The following BACE1 variants were observed in gnomAD, a reference collection of about 807,000 sequenced individuals.
The protein encoded by BACE1 is APP beta-secretase.
Under a neutral mutation model 54.0 loss-of-function variants are expected in BACE1, and 21 were observed. The observed-to-expected ratio is 0.39, with a 90% CI of 0.28 to 0.56. The LOEUF (loss-of-function observed/expected upper bound fraction) is 0.56, where lower values mean the gene tolerates loss of function less well. BACE1 is among the 20% of genes least tolerant of loss of function. The pLI is 0.63. For missense variants in BACE1, 511 were observed against 661.2 expected, an observed-to-expected ratio of 0.77 and a Z score of 2.49; for synonymous variants, 232 against 260.9, an observed-to-expected ratio of 0.89 and a Z score of 1.07.
In BACE1 at chr11:117,295,226, C is replaced by T; in HGVS notation, c.472G>A (p.Ala158Thr). ...IPHGPNVTVR[A>T]NIAAITESDK... ...GATTCAGTGATGGCAGCAATGTTGG[C>T]ACGCACAGTGACGTTGGGGCCATGG... is the stretch of plus-strand genomic sequence containing the variant. Residue 158 changes from alanine (A) to threonine (T), a missense_variant, in exon 3 of 9, where the codon GCC becomes ACC. Transcript: ENST00000313005. 6.2e-7 allele frequency: 1 copy of T among 1,614,190 alleles called. No individual in the cohort carries two copies. Among genetic ancestry groups the T allele is most frequent in the Non-Finnish European group, 8.5e-7 (1 of 1,180,036 alleles).
In BACE1 at chr11:117,315,027, C is replaced by T. The variant is rs898022916; in HGVS notation, c.261+508G>A. The stretch of plus-strand genomic sequence containing the variant: ...GGGGGCCTCGACAACCTCACTTTGC[C>T]GTACCAGTGGCAGCCCAGATGGTGG... On this transcript the variant is annotated intron_variant, in intron 1 of 8. Coordinates refer to ENST00000313005, the MANE Select transcript of BACE1 (RefSeq NM_012104.6). This position sits in a 1 kb window ranked among gnomAD's most constrained non-coding sequence, Gnocchi z 5.5. 2.6e-5 allele frequency among the ~76,000 whole-genome samples: 4 copies of T among 152,110 alleles called. No individual in the cohort carries two copies. In the South Asian group the frequency reaches 6.2e-4, roughly 24 times the overall value.
chr11:117,302,920 C>G (rs1035049452), intron 1 of BACE1, among the ~76,000 whole-genome samples: 17 of 152,158 alleles, frequency 1.1e-4, no homozygotes, highest in African/African-American at 3.6e-4. Context: ...ACTTGTCACT[C>G]TGTAATTATA....
chr11:117,303,952 G>A (rs1454792803), intron 1 of BACE1, among the ~76,000 whole-genome samples: 1 of 152,194 alleles, frequency 6.6e-6, no homozygotes, highest in African/African-American at 2.4e-5. Flanking sequence ...ACAAGAATCC[G>A]TTGGTTCTGA....
rs78979954 is a variant in BACE1 at position 117,314,620 on chromosome 11, G to C, written c.261+915C>G. 1,442 of 152,622 alleles carry C rather than the reference G, an allele frequency of 9.4e-3. 24 individuals are homozygous for C. The highest frequency in any genetic ancestry group is 0.033 in the African/African-American group (1,382 of 41,550). 9.5% of individuals were successfully genotyped at this position (152,622 alleles called of 1,614,324 possible). On this transcript the variant is annotated intron_variant, in intron 1 of 8. Transcript: ENST00000313005. ...CCACAGGGCTGCCCGGGCCCGGACTGCCCCACAGAGGCGGCAGATGCACAC... is the reference window on the plus strand; with the variant it reads ...CCACAGGGCTGCCCGGGCCCGGACTCCCCCACAGAGGCGGCAGATGCACAC...
At chr11:117,297,016 C>A in intron 1 of BACE1, 55 bp from the exon 2 acceptor site, 1 of 1,326,274 alleles carries the variant, frequency 7.5e-7, no homozygotes, top group Non-Finnish European at 1.1e-6. Context: ...TCGGTCACAC[C>A]ACCTTTATTA....
chr11:117,308,796 C>A (rs1159934073), intron 1 of BACE1, among the ~76,000 whole-genome samples: 3 of 150,982 alleles, frequency 2.0e-5, no homozygotes, highest in Admixed American at 2.0e-4. Flanking sequence ...CTAAAAATAC[C>A]AAAAAAAATA....
At chr11:117,300,538 A>G (rs767448597) in intron 1 of BACE1, among the ~76,000 whole-genome samples, 14 of 152,182 alleles carry the variant, frequency 9.2e-5, no homozygotes, top group Non-Finnish European at 1.8e-4. Context: ...AGGGCAGTTC[A>G]GGGCGGCCTG....
intron 1 of BACE1, among the ~76,000 whole-genome samples, chr11:117,303,080 T>G (rs1230158401): frequency 6.6e-6 from 1 of 152,094 alleles, no homozygotes; most frequent in African/African-American, 2.4e-5. Flanking sequence ...TCTACCCTGT[T>G]TTTTGGGTGG....
rs188063412 is a variant in BACE1, at chr11:117,298,175, G to C, written c.262-1214C>G. Among the ~76,000 whole-genome samples, 194 of 152,082 alleles carry C rather than the reference G, an allele frequency of 1.3e-3. 1 individual carries two copies. Among genetic ancestry groups the C allele is most frequent in the African/African-American group, 4.5e-3 (187 of 41,492 alleles). ...AGATTAGCCGGGTGTGGTGACGCAC[G>C]CCTATAATCCCAGCTACTTGGGAGG... On this transcript the variant is annotated intron_variant, in intron 1 of 8. Transcript: ENST00000313005.
rs940712849 is a variant in BACE1 at position 117,290,495 on chromosome 11, A to G, written c.1257T>C (p.Ala419=). ...CAGCCCTGGCACTCTCACCATGGCA[A>G]GCGCTGACAGCAAAGCCAATTCGTT... The part of the protein sequence containing the change: ...ARKRIGFAVS[A]CHVHDEFRTA... The change falls in exon 8 of 9, where the codon GCT becomes GCC. Residue 419 remains alanine (A), a synonymous_variant. Coordinates refer to ENST00000313005, the MANE Select transcript of BACE1 (RefSeq NM_012104.6). 1.9e-6 allele frequency: 3 copies of G among 1,614,002 alleles called. No individual in the cohort carries two copies.
In BACE1 at chr11:117,292,645, T is replaced by G. The variant is rs112611087; in HGVS notation, c.840+409A>C. Among the ~76,000 whole-genome samples, 611 of 152,254 alleles carry G rather than the reference T, an allele frequency of 4.0e-3. 6 individuals carry two copies. The highest frequency in any genetic ancestry group is 0.014 in the African/African-American group (595 of 41,540). On this transcript the variant is annotated intron_variant, in intron 5 of 8. Coordinates refer to ENST00000313005, the MANE Select transcript of BACE1 (RefSeq NM_012104.6). ...CTGAGAAAGTTGTTTTTACCTGTTT[T>G]GCAGATAAGGAAACTGAGACACAGA...
chr11:117,315,768 G>A lies in BACE1; in HGVS notation c.28C>T (p.Leu10=). MAQALPWLL[L]WMGAGVLPAH... is the part of the protein sequence containing the mutation. ...GGCAGCACTCCCGCGCCCATCCACA[G>A]CAGGAGCCAGGGCAGGGCTTGGGCC... Residue 10 remains leucine (L), a synonymous_variant, in exon 1 of 9, where the codon CTG becomes TTG. Transcript: ENST00000313005. The surrounding 1 kb of genome is among the most constrained non-coding windows in gnomAD (Gnocchi z 5.5). 4.8e-6 allele frequency: 7 copies of A among 1,457,208 alleles called. No individual in the cohort carries two copies. Among genetic ancestry groups the A allele is most frequent in the Non-Finnish European group, 6.3e-6 (7 of 1,111,000 alleles). The allele number at this position is 1,457,208 out of a possible 1,614,324, so 90.3% of individuals were successfully genotyped here. A position where few individuals can be genotyped will look rare whatever the true frequency, so the allele number is the denominator to read the frequency against.
At chr11:117,305,909 G>T (rs1181968073) in intron 1 of BACE1, among the ~76,000 whole-genome samples, 1 of 152,046 alleles carries the variant, frequency 6.6e-6, no homozygotes, top group African/African-American at 2.4e-5. Context: ...GATGGCAGGC[G>T]CCTGTAGTCC....
Position 117,293,398 on chromosome 11 carries a change from A to G in BACE1, c.706-210T>C, listed in dbSNP as rs1022453643. ...GAGAAAAGACTTTCCGGGATTTTTA[A>G]TTATTTGTTTCAGAATCATACAGCC... On this transcript the variant is annotated intron_variant, in intron 4 of 8. Transcript: ENST00000313005. The surrounding 1 kb of genome is among the most constrained non-coding windows in gnomAD (Gnocchi z 4.1). The G allele has an allele frequency of 1.1e-5, 5 of 464,050 alleles. No homozygotes were observed. Among genetic ancestry groups the G allele is most frequent in the Non-Finnish European group, 1.8e-5 (5 of 270,780 alleles). 28.7% of individuals were successfully genotyped at this position (464,050 alleles called of 1,614,324 possible).
chr11:117,296,966 C>G lies in BACE1; in HGVS notation c.262-5G>C. On this transcript the variant is annotated splice_region_variant and splice_polypyrimidine_tract_variant and intron_variant, in intron 1 of 8. Transcript: ENST00000313005. ...TGTATCCACCAGGATGTTGAGCTGTCAGAGAAAGGGGAGAGAAAAGACAGT... is the reference window on the plus strand; with the variant it reads ...TGTATCCACCAGGATGTTGAGCTGTGAGAGAAAGGGGAGAGAAAAGACAGT... 1 of 1,612,270 alleles carries G rather than the reference C, an allele frequency of 6.2e-7. No homozygotes were observed. Among genetic ancestry groups the G allele is most frequent in the African/African-American group, 1.3e-5 (1 of 74,962 alleles).
chr11:117,295,598 C>G, intron 2 of BACE1: 1 of 1,535,554 alleles, frequency 6.5e-7, no homozygotes, highest in Non-Finnish European at 8.7e-7. Flanking sequence ...ATCTTGAGCT[C>G]AGGCCCTGTG....
At chr11:117,309,977 C>T (rs893961333) in intron 1 of BACE1, among the ~76,000 whole-genome samples, 1 of 150,538 alleles carries the variant, frequency 6.6e-6, no homozygotes, top group African/African-American at 2.5e-5. Flanking sequence ...GGCGCAATCT[C>T]GGCTCACTGC....
Position 117,289,395 on chromosome 11 carries a change from G to T in BACE1, c.*171C>A. ...CTGTTTCCTACAGGTACAGTCCCTG[G>T]AACCCACCTTGCCAGCCTTTTCCTT... On this transcript the variant is annotated 3_prime_UTR_variant, in exon 9 of 9. Transcript: ENST00000313005. 1 of 1,144,186 alleles carries T rather than the reference G, an allele frequency of 8.7e-7. No individual in the cohort carries two copies. Among genetic ancestry groups the T allele is most frequent in the Non-Finnish European group, 1.2e-6 (1 of 832,694 alleles). 70.9% of individuals were successfully genotyped at this position (1,144,186 alleles called of 1,614,324 possible).
chr11:117,297,085 G>A, intron 1 of BACE1, 124 bp from the exon 2 acceptor site: 1 of 742,812 alleles, frequency 1.3e-6, no homozygotes, highest in Non-Finnish European at 2.3e-6. Flanking sequence ...GCTCCACGAT[G>A]CAGGACTGGT....
Sources: gnomAD v4.1 joint callset for allele counts (sites outside exome capture counted in the v4.1 genomes callset) on GRCh38, gnomAD v4.1.1 for gene constraint, Gnocchi (gnomAD v3.1) non-coding constraint, MANE v1.5 for transcripts, NCBI Gene and HGNC (gene_info 2026-07-23, HGNC 2026-07-21) for gene names.